The following FAM135A variants were observed in gnomAD, a reference collection of about 807,000 sequenced individuals.
FAM135A encodes protein FAM135A.
Under a neutral mutation model 146.8 loss-of-function variants are expected in FAM135A, and 79 were observed. The ratio of observed to expected loss-of-function variants is 0.54; its 90% CI spans 0.45 to 0.65. The LOEUF is 0.65. FAM135A is among the 30% of genes least tolerant of loss of function. The probability of loss-of-function intolerance (pLI) is 0.00; values close to 1 mark genes in which losing one functional copy is unlikely to be tolerated. For missense variants in FAM135A, 1,623 were observed against 1,758.2 expected (o/e 0.92, Z 1.38); for synonymous variants, 562 against 603.6 (o/e 0.93, Z 1.01).
At chr6:70,530,712 C>T (rs868286530) in intron 16 of FAM135A, among the ~76,000 whole-genome samples, 13 of 152,064 alleles carry the variant, frequency 8.5e-5, no homozygotes, top group Non-Finnish European at 1.3e-4. Flanking sequence ...AAGACTGAGC[C>T]GCTGCACTCT....
At chr6:70,520,110 G>A (rs1373641162) in intron 12 of FAM135A, among the ~76,000 whole-genome samples, 1 of 151,530 alleles carries the variant, frequency 6.6e-6, no homozygotes, top group African/African-American at 2.4e-5. Flanking sequence ...TCTTCATCAC[G>A]TTCTCATCAT....
chr6:70,514,192 A>G (rs914227322), intron 12 of FAM135A, among the ~76,000 whole-genome samples: 2 of 151,998 alleles, frequency 1.3e-5, no homozygotes, highest in Non-Finnish European at 2.9e-5. Context: ...TTTATCCTCT[A>G]TGTTCTTCAG....
intron 11 of FAM135A, among the ~76,000 whole-genome samples, chr6:70,494,255 A>C (rs1221960463): frequency 6.6e-6 from 1 of 152,048 alleles, no homozygotes; most frequent in Non-Finnish European, 1.5e-5. Flanking sequence ...CATATTTTCT[A>C]AGTAAAGCAG....
At chr6:70,446,915 T>A (rs1683058953) in intron 4 of FAM135A, among the ~76,000 whole-genome samples, 1 of 152,270 alleles carries the variant, frequency 6.6e-6, no homozygotes, top group South Asian at 2.1e-4. Flanking sequence ...GAATTAGAAC[T>A]TGTGCTCCGC....
intron 18 of FAM135A, among the ~76,000 whole-genome samples, chr6:70,534,656 A>G (rs1334547221): frequency 2.0e-5 from 3 of 152,190 alleles, no homozygotes; most frequent in Non-Finnish European, 4.4e-5. Flanking sequence ...GTTTTCCACA[A>G]GCAAGACATG....
intron 2 of FAM135A, chr6:70,417,661 G>A: frequency 2.0e-6 from 2 of 983,438 alleles, no homozygotes; most frequent in Non-Finnish European, 2.4e-6. Flanking sequence ...TGTTTTTAGA[G>A]CAGTGTTAAC....
At chr6:70,536,157 T>A in intron 18 of FAM135A, 103 bp from the exon 19 acceptor site, 1 of 1,097,486 alleles carries the variant, frequency 9.1e-7, no homozygotes, top group Non-Finnish European at 1.3e-6. Context: ...CATTAGAAAT[T>A]TTCAAATTGT....
chr6:70,425,471 T>TA (rs1436964481), intron 2 of FAM135A, among the ~76,000 whole-genome samples: 1 of 152,208 alleles, frequency 6.6e-6, no homozygotes, highest in Non-Finnish European at 1.5e-5. Flanking sequence ...GATGTGACTA[T>TA]TAAAGTTTAA....
At chr6:70,532,625 C>T (rs536200055) in intron 16 of FAM135A, among the ~76,000 whole-genome samples, 5 of 152,208 alleles carry the variant, frequency 3.3e-5, no homozygotes, top group African/African-American at 1.2e-4. Flanking sequence ...TGAAAGCCAC[C>T]AAAACCACCT....
chr6:70,556,478 C>G (rs1800855166), intron 20 of FAM135A, among the ~76,000 whole-genome samples: 1 of 152,148 alleles, frequency 6.6e-6, no homozygotes, highest in Non-Finnish European at 1.5e-5. Flanking sequence ...TCCACATATT[C>G]TGTTCCCGCC....
chr6:70,484,467 A>G (rs1360649685), intron 10 of FAM135A, among the ~76,000 whole-genome samples: 1 of 152,198 alleles, frequency 6.6e-6, no homozygotes, highest in African/African-American at 2.4e-5. Flanking sequence ...TTTTAAAGGC[A>G]AATATTTATT....
intron 4 of FAM135A, among the ~76,000 whole-genome samples, chr6:70,438,036 G>A (rs1176123026): frequency 1.3e-5 from 2 of 152,050 alleles, no homozygotes; most frequent in Non-Finnish European, 2.9e-5. Flanking sequence ...GAGATTATAT[G>A]TGGTTATTGG....
intron 11 of FAM135A, among the ~76,000 whole-genome samples, chr6:70,496,920 A>G (rs1192916682): frequency 1.3e-5 from 2 of 152,062 alleles, no homozygotes; most frequent in African/African-American, 4.8e-5. Context: ...CTTGCAGTGT[A>G]GTTTGAAGTC....
At chr6:70,511,827 C>G (rs1791054734) in intron 12 of FAM135A, among the ~76,000 whole-genome samples, 1 of 151,668 alleles carries the variant, frequency 6.6e-6, no homozygotes, top group Non-Finnish European at 1.5e-5. Context: ...CCTGTTACTC[C>G]TACGCTACAA....
intron 4 of FAM135A, among the ~76,000 whole-genome samples, chr6:70,430,516 A>G (rs1046768180): frequency 5.9e-5 from 9 of 152,142 alleles, no homozygotes; most frequent in African/African-American, 2.2e-4. Flanking sequence ...CATATGGCTG[A>G]TAAGTTTATT....
chr6:70,457,319 A>G (rs1420763495), intron 5 of FAM135A, among the ~76,000 whole-genome samples: 1 of 152,224 alleles, frequency 6.6e-6, no homozygotes, highest in East Asian at 1.9e-4. Context: ...TGATAGTGAC[A>G]GGGTGGTGCT....
chr6:70,474,354 G>A (rs1456161198), intron 5 of FAM135A, among the ~76,000 whole-genome samples: 1 of 152,050 alleles, frequency 6.6e-6, no homozygotes, highest in Admixed American at 6.6e-5. Flanking sequence ...TAGGCTGTTG[G>A]AGTGACATCA....
At chr6:70,450,579 A>G (rs1323297020) in intron 4 of FAM135A, among the ~76,000 whole-genome samples, 2 of 151,898 alleles carry the variant, frequency 1.3e-5, no homozygotes, top group Non-Finnish European at 2.9e-5. Context: ...CTGACCATAA[A>G]TGGGTGGGTT....
Position 70,524,359 on chromosome 6 carries a change from G to A in FAM135A, c.1275G>A (p.Trp425Ter). 9 of 1,490,674 alleles carry A rather than the reference G, an allele frequency of 6.0e-6. No homozygotes were observed. The highest frequency in any genetic ancestry group is 8.0e-6 in the Non-Finnish European group (9 of 1,125,558). The allele number at this position is 1,490,674 out of a possible 1,614,324, so 92.3% of individuals were successfully genotyped here. A position where few individuals can be genotyped will look rare whatever the true frequency, so the allele number is the denominator to read the frequency against. Residue 425 changes from tryptophan (W) to a stop codon, truncating the protein, a stop_gained, in exon 15 of 22, where the codon TGG (tryptophan) becomes TGA (stop). Coordinates refer to ENST00000418814, the MANE Select transcript of FAM135A (RefSeq NM_001162529.3). LOFTEE classifies it high-confidence loss of function. ...GGATAAAAGACTTAGATGCACCCTG[G>A]ATGGGAATTCAGAATCTTCAGAGAT... is the stretch of plus-strand genomic sequence containing the variant. The part of the protein sequence containing the change: ...DSVTEDLDAP[W>*]MGIQNLQRSE...
Sources: gnomAD v4.1 joint callset for allele counts (sites outside exome capture counted in the v4.1 genomes callset) on GRCh38, gnomAD v4.1.1 for gene constraint, MANE v1.5 for transcripts, NCBI Gene and HGNC (gene_info 2026-07-23, HGNC 2026-07-21) for gene names.